The following L3MBTL4 variants were observed in gnomAD, a reference collection of about 807,000 sequenced individuals.
L3MBTL4 encodes the protein lethal(3)malignant brain tumor-like protein 4.
L3MBTL4 carries 70 observed loss-of-function variants against 84.5 expected under a neutral mutation model. That is an observed-to-expected ratio of 0.83 (90% CI 0.68 to 1.01). The LOEUF (loss-of-function observed/expected upper bound fraction) is 1.01, where lower values mean the gene tolerates loss of function less well. Ranked by LOEUF, L3MBTL4 falls within the 50% of genes least tolerant of loss-of-function variation. The pLI, the probability that L3MBTL4 is intolerant of heterozygous loss-of-function variation, is 0.00. For synonymous variants in L3MBTL4, 274 were observed against 259.8 expected (o/e 1.05, Z -0.52); for missense variants, 715 against 754.8 (o/e 0.95, Z 0.62).
chr18:6,188,820 C>A lies in L3MBTL4; in HGVS notation c.982-16878G>T, dbSNP rs191680398. ...GAAGGCCCAGGGAGACCCCTGTAAT[C>A]TCCTGGTCCTGGGATCACTAGAGGG... On this transcript the variant is annotated intron_variant, in intron 12 of 18. Coordinates refer to ENST00000317931, the MANE Select transcript of L3MBTL4 (RefSeq NM_001330559.2). Among the ~76,000 whole-genome samples, 351 of 152,378 alleles carry A rather than the reference C, an allele frequency of 2.3e-3. 1 individual carries two copies. Among genetic ancestry groups the A allele is most frequent in the Non-Finnish European group, 1.8e-3 (124 of 68,040 alleles).
rs973211911 is a variant in L3MBTL4, at chr18:6,138,287, T to C, written c.1106A>G (p.Asp369Gly). ...HPLEVPQRTNDLKILPGQAVC... is the reference protein window; with the variant it reads ...HPLEVPQRTNGLKILPGQAVC... ...AGCTTGACCTGGAAGGATCTTCAGG[T>C]CATTCGTTCCTTCAGGAAGTAAAAG... is the stretch of plus-strand genomic sequence containing the variant. Residue 369 changes from aspartate (D) to glycine (G), a missense_variant, in exon 14 of 19, where the codon GAC (aspartate) becomes GGC (glycine). Coordinates refer to ENST00000317931, the MANE Select transcript of L3MBTL4 (RefSeq NM_001330559.2). The C allele has an allele frequency of 1.9e-6, 3 of 1,609,390 alleles. No homozygotes were observed. Among genetic ancestry groups the C allele is most frequent in the Middle Eastern group, 1.7e-4 (1 of 6,046 alleles).
intron 14 of L3MBTL4, among the ~76,000 whole-genome samples, chr18:6,108,187 A>T (rs1038239166): frequency 3.3e-5 from 5 of 152,208 alleles, no homozygotes; most frequent in Admixed American, 1.3e-4. Context: ...AGTTAATGAC[A>T]GCCATAAATG....
chr18:6,195,375 A>C (rs944937052), intron 12 of L3MBTL4, among the ~76,000 whole-genome samples: 6 of 152,228 alleles, frequency 3.9e-5, no homozygotes, highest in African/African-American at 1.4e-4. Context: ...AGATGGGCTA[A>C]TATCCCACTA....
chr18:5,966,440 T>G (rs1450425234), intron 17 of L3MBTL4, among the ~76,000 whole-genome samples: 3 of 152,194 alleles, frequency 2.0e-5, no homozygotes, highest in Non-Finnish European at 2.9e-5. Context: ...CATCTTCCCC[T>G]GACACCCGGC....
chr18:6,315,274 C>A (rs1477757356), intron 1 of L3MBTL4, among the ~76,000 whole-genome samples: 1 of 152,068 alleles, frequency 6.6e-6, no homozygotes, highest in African/African-American at 2.4e-5. Context: ...ATACTGCCAG[C>A]CTAGAATTTA....
intron 16 of L3MBTL4, among the ~76,000 whole-genome samples, chr18:5,972,516 C>T (rs1403976094): frequency 2.6e-5 from 4 of 152,086 alleles, no homozygotes; most frequent in Non-Finnish European, 4.4e-5. Flanking sequence ...ACTTTAACTG[C>T]GATTTGCAAA....
At chr18:6,030,497 G>T (rs1207782112) in intron 16 of L3MBTL4, 5 of 939,592 alleles carry the variant, frequency 5.3e-6, no homozygotes, top group Non-Finnish European at 6.3e-6. Flanking sequence ...TTAATGAAGA[G>T]ACTCTTTTTT....
intron 16 of L3MBTL4, among the ~76,000 whole-genome samples, chr18:6,040,982 A>G (rs375842966): frequency 6.6e-6 from 1 of 152,368 alleles, no homozygotes; most frequent in African/African-American, 2.4e-5. Flanking sequence ...AACAACAGCA[A>G]AACTTGTGAT....
rs559817379 is a variant in L3MBTL4, at chr18:6,095,387, G to C, written c.1200-1859C>G. On this transcript the variant is annotated intron_variant, in intron 14 of 18. Coordinates refer to ENST00000317931, the MANE Select transcript of L3MBTL4 (RefSeq NM_001330559.2). ...TTTTGAGATGGAGTCTCGCTCCGTCGCCCAGGCTGGAGTGCAGTGGTGCGA... is the reference window on the plus strand; with the variant it reads ...TTTTGAGATGGAGTCTCGCTCCGTCCCCCAGGCTGGAGTGCAGTGGTGCGA... Among the ~76,000 whole-genome samples the C allele has an allele frequency of 3.1e-3, 424 of 135,218 alleles. 1 individual carries two copies. The highest frequency in any genetic ancestry group is 5.5e-3 in the Non-Finnish European group (363 of 66,066). 88.7% of individuals were successfully genotyped at this position (135,218 alleles called of 152,430 possible). A position where few individuals can be genotyped will look rare whatever the true frequency, so the allele number is the denominator to read the frequency against.
chr18:6,375,181 G>A (rs546823562), intron 1 of L3MBTL4, among the ~76,000 whole-genome samples: 1 of 152,012 alleles, frequency 6.6e-6, no homozygotes, highest in African/African-American at 2.4e-5. Flanking sequence ...AGTCGATACA[G>A]GAACTCCAGT....
intron 1 of L3MBTL4, among the ~76,000 whole-genome samples, chr18:6,365,265 A>C (rs1425387934): frequency 6.6e-6 from 1 of 152,144 alleles, no homozygotes; most frequent in African/African-American, 2.4e-5. Flanking sequence ...TTACACAGGC[A>C]AAAAAAGAGA....
At chr18:6,383,191 C>G (rs889821409) in intron 1 of L3MBTL4, among the ~76,000 whole-genome samples, 1 of 152,134 alleles carries the variant, frequency 6.6e-6, no homozygotes, top group African/African-American at 2.4e-5. Context: ...AGGTCGACCT[C>G]AGACTGCTGT....
intron 17 of L3MBTL4, among the ~76,000 whole-genome samples, chr18:5,964,044 G>T (rs1346326000): frequency 1.3e-5 from 2 of 152,248 alleles, no homozygotes; most frequent in African/African-American, 4.8e-5. Context: ...GTGCCTGGTG[G>T]CATGGGGGCT....
chr18:6,000,578 T>C (rs184612263), intron 16 of L3MBTL4, among the ~76,000 whole-genome samples: 39 of 152,300 alleles, frequency 2.6e-4, no homozygotes, highest in African/African-American at 9.1e-4. Context: ...CATACATAAT[T>C]AGTGTGTCTG....
intron 13 of L3MBTL4, among the ~76,000 whole-genome samples, chr18:6,144,643 T>C (rs1864616195): frequency 6.6e-6 from 1 of 152,210 alleles, no homozygotes; most frequent in Admixed American, 6.5e-5. Flanking sequence ...AGGGCAACAA[T>C]GTGCCCAGCT....
intron 14 of L3MBTL4, among the ~76,000 whole-genome samples, chr18:6,128,116 T>A (rs1326724243): frequency 6.7e-6 from 1 of 149,136 alleles, no homozygotes; most frequent in Non-Finnish European, 1.5e-5. Context: ...ACACAATCTA[T>A]CCAGCAAGAA....
At chr18:6,356,543 T>C (rs775635088) in intron 1 of L3MBTL4, among the ~76,000 whole-genome samples, 1 of 152,258 alleles carries the variant, frequency 6.6e-6, no homozygotes, top group Non-Finnish European at 1.5e-5. Flanking sequence ...TCAGGCTATA[T>C]GGAATGGCCT....
intron 1 of L3MBTL4, among the ~76,000 whole-genome samples, chr18:6,389,771 C>G (rs1000299783): frequency 6.6e-6 from 1 of 152,058 alleles, no homozygotes; most frequent in Non-Finnish European, 1.5e-5. Flanking sequence ...TATATATGCA[C>G]CTAACACTGG....
intron 16 of L3MBTL4, among the ~76,000 whole-genome samples, chr18:6,067,462 A>T (rs2145941252): frequency 6.6e-6 from 1 of 152,286 alleles, no homozygotes; most frequent in East Asian, 1.9e-4. Flanking sequence ...ATTTTACATG[A>T]TCCCATATTT....
Sources: allele counts gnomAD v4.1 joint callset (sites outside exome capture counted in the v4.1 genomes callset), GRCh38; gene constraint gnomAD v4.1.1; transcripts MANE v1.5; gene names NCBI Gene and HGNC (gene_info 2026-07-23, HGNC 2026-07-21).